The following HMG20A variants were observed in gnomAD, a reference collection of about 807,000 sequenced individuals.
The protein encoded by HMG20A is high mobility group 20A, also known as high mobility group protein 20A.
In HMG20A, 17 loss-of-function variants were observed where a neutral mutation model predicts 43.9. The observed-to-expected ratio is 0.39, with a 90% CI of 0.27 to 0.58. The LOEUF (loss-of-function observed/expected upper bound fraction) is 0.58. Among genes scored for constraint, HMG20A ranks in the 20% least tolerant of loss-of-function variants. The pLI is 0.59. For missense variants in HMG20A, 341 were observed against 438.2 expected, an observed-to-expected ratio of 0.78 and a Z score of 1.98; for synonymous variants, 132 against 147.5, an observed-to-expected ratio of 0.89 and a Z score of 0.76.
intron 1 of HMG20A, among the ~76,000 whole-genome samples, chr15:77,435,427 A>C (rs2073535393): frequency 6.6e-6 from 1 of 151,970 alleles, no homozygotes; most frequent in Non-Finnish European, 1.5e-5. Context: ...GGGACTACAG[A>C]TGCGTGCCAC....
chr15:77,459,011 C>T (rs867771646), intron 2 of HMG20A, among the ~76,000 whole-genome samples: 1 of 152,094 alleles, frequency 6.6e-6, no homozygotes, highest in Non-Finnish European at 1.5e-5. Flanking sequence ...AACAGTAGTC[C>T]ACCTCTTCCC....
At chr15:77,518,801 C>T in the HMG20A span, among the ~76,000 whole-genome samples, 1 of 152,196 alleles carries the variant, frequency 6.6e-6, no homozygotes, top group Non-Finnish European at 1.5e-5. Flanking sequence ...GAGCACACTC[C>T]TCCCACAGGC....
chr15:77,479,093 A>G (rs1175515384), intron 8 of HMG20A, 86 bp from the exon 9 acceptor site: 2 of 1,321,264 alleles, frequency 1.5e-6, no homozygotes, highest in Non-Finnish European at 2.2e-6. Flanking sequence ...AGCAGACCAC[A>G]TTAGAATCAC....
intron 1 of HMG20A, among the ~76,000 whole-genome samples, chr15:77,452,280 T>A (rs1331839664): frequency 6.6e-6 from 1 of 152,158 alleles, no homozygotes; most frequent in Non-Finnish European, 1.5e-5. Context: ...TGGGGGAAAT[T>A]TAAAGGTAAA....
chr15:77,499,355 C>T, the HMG20A span, among the ~76,000 whole-genome samples: 1 of 152,170 alleles, frequency 6.6e-6, no homozygotes, highest in Non-Finnish European at 1.5e-5. Flanking sequence ...ATCCTCAACT[C>T]AATTTGTCCA....
intron 4 of HMG20A, among the ~76,000 whole-genome samples, chr15:77,469,626 C>T (rs866421347): frequency 3.9e-5 from 6 of 152,108 alleles, no homozygotes; most frequent in Admixed American, 6.6e-5. Context: ...TATGAGCCAC[C>T]ATGCCCGACC....
downstream of HMG20A, among the ~76,000 whole-genome samples, chr15:77,486,259 CTTTT>C (rs71145843): frequency 7.8e-6 from 1 of 128,692 alleles, no homozygotes. Context: ...TAAATGCTTG[CTTTT>C]TTTTTTTTTT....
At chr15:77,496,760 C>T in the HMG20A span, among the ~76,000 whole-genome samples, 1 of 152,226 alleles carries the variant, frequency 6.6e-6, no homozygotes, top group Non-Finnish European at 1.5e-5. Context: ...AAGCCCAAGA[C>T]TCAGATGTGT....
chr15:77,516,857 T>C, the HMG20A span, among the ~76,000 whole-genome samples: 2 of 151,532 alleles, frequency 1.3e-5, no homozygotes. Flanking sequence ...GCTAAGGGTG[T>C]GCGACACTAA....
the HMG20A span, among the ~76,000 whole-genome samples, chr15:77,493,208 A>G: frequency 6.6e-6 from 1 of 152,200 alleles, no homozygotes; most frequent in Non-Finnish European, 1.5e-5. Flanking sequence ...GCAGGAAAAG[A>G]GTAGTAGTAG....
At chr15:77,425,006 A>T (rs961193153) in intron 1 of HMG20A, among the ~76,000 whole-genome samples, 2 of 151,978 alleles carry the variant, frequency 1.3e-5, no homozygotes, top group Non-Finnish European at 2.9e-5. Context: ...TTTTTTGCTC[A>T]TGCTATTTTC....
At chr15:77,450,218 C>T (rs2073721031) in intron 1 of HMG20A, among the ~76,000 whole-genome samples, 1 of 152,110 alleles carries the variant, frequency 6.6e-6, no homozygotes, top group African/African-American at 2.4e-5. Context: ...CAAGCTCTGC[C>T]TCCAGGGTTC....
chr15:77,431,070 G>GA (rs1312981612), intron 1 of HMG20A, among the ~76,000 whole-genome samples: 2 of 151,990 alleles, frequency 1.3e-5, no homozygotes, highest in African/African-American at 4.8e-5. Context: ...GTAACCAGAG[G>GA]AAAAAAGACA....
chr15:77,451,839 G>C (rs1482580043), intron 1 of HMG20A, among the ~76,000 whole-genome samples: 1 of 152,196 alleles, frequency 6.6e-6, no homozygotes, highest in African/African-American at 2.4e-5. Context: ...GAGCAAAATT[G>C]ATGTTAAAGA....
At chr15:77,426,453 G>T (rs1041002172) in intron 1 of HMG20A, among the ~76,000 whole-genome samples, 2 of 151,934 alleles carry the variant, frequency 1.3e-5, no homozygotes, top group Non-Finnish European at 2.9e-5. Context: ...AAAATGATAA[G>T]GAAGAAAAAA....
chr15:77,453,830 A>G (rs561636685), intron 1 of HMG20A, among the ~76,000 whole-genome samples: 382 of 152,224 alleles, frequency 2.5e-3, no homozygotes, highest in Non-Finnish European at 4.2e-3. Context: ...AAGGCCACAT[A>G]TTGTATGATT....
the HMG20A span, among the ~76,000 whole-genome samples, chr15:77,505,363 ATCT>A: frequency 5.9e-5 from 9 of 152,228 alleles, no homozygotes; most frequent in East Asian, 1.2e-3. Context: ...TTCCTAGGAC[ATCT>A]TCTTCAGTCA....
the HMG20A span, among the ~76,000 whole-genome samples, chr15:77,494,558 T>TA: frequency 5.3e-5 from 8 of 152,222 alleles, no homozygotes; most frequent in African/African-American, 1.9e-4. Flanking sequence ...TATTTAAACT[T>TA]ACATGAGTCT....
At position 77,467,118 on chromosome 15, in the gene HMG20A, G is replaced by T; in HGVS notation, c.261G>T (p.Trp87Cys). 1 of 1,613,912 alleles carries T rather than the reference G, an allele frequency of 6.2e-7. No homozygotes were observed. Among genetic ancestry groups the T allele is most frequent in the Non-Finnish European group, 8.5e-7 (1 of 1,179,900 alleles). ...EDEQRSKRGG[W>C]SKGRKRKKPL... ...AGCAACGAAGTAAACGAGGAGGTTG[G>T]TCCAAAGGAAGAAAGAGGAAGAAAC... The change falls in exon 4 of 10, where the codon TGG (tryptophan) becomes TGT (cysteine). Residue 87 changes from tryptophan to cysteine, a missense_variant. This residue lies in a region of HMG20A where 220 missense variants were observed against 263.6 expected (regional missense o/e 0.83). Coordinates refer to ENST00000336216, the MANE Select transcript of HMG20A (RefSeq NM_001304504.2).
Sources: allele counts gnomAD v4.1 joint callset (sites outside exome capture counted in the v4.1 genomes callset), GRCh38; gene constraint gnomAD v4.1.1; regional missense constraint gnomAD v4.1.1; transcripts MANE v1.5; gene names NCBI Gene and HGNC (gene_info 2026-07-23, HGNC 2026-07-21).